Variants in NGEF observed in about 807,000 individuals in gnomAD.
The protein encoded by NGEF is neuronal guanine nucleotide exchange factor, also known as ephexin-1.
NGEF carries 31 observed loss-of-function variants against 80.9 expected under a neutral mutation model. The ratio of observed to expected loss-of-function variants is 0.38; its 90% CI spans 0.29 to 0.52. The LOEUF (loss-of-function observed/expected upper bound fraction) is 0.52. Ranked by LOEUF, NGEF falls within the 20% of genes least tolerant of loss-of-function variation. The pLI, the probability that NGEF is intolerant of heterozygous loss-of-function variation, is 0.84. For synonymous variants in NGEF, 371 were observed against 370.2 expected (o/e 1.00, Z -0.03); for missense variants, 709 against 926.2 (o/e 0.77, Z 3.04).
In NGEF at chr2:232,894,803, C is replaced by G. The variant is rs150452305; in HGVS notation, c.942G>C (p.Ala314=). 17 of 1,610,698 alleles carry G rather than the reference C, an allele frequency of 1.1e-5. No individual in the cohort carries two copies. Among genetic ancestry groups the G allele is most frequent in the South Asian group, 7.7e-5 (7 of 90,940 alleles). The change falls in exon 6 of 15, where the codon GCG becomes GCC. Residue 314 remains alanine (A), a synonymous_variant. Transcript: ENST00000264051. ...RIRKILHPSE[A]HILFSNVLDV... ...CCAGGACGTTGGAGAAGAGGATGTG[C>G]GCCTCGGACGGGTGCAGGATCTTCC... is the stretch of plus-strand genomic sequence containing the variant.
chr2:232,996,029 GA>G, intron 1 of NGEF, among the ~76,000 whole-genome samples: 1 of 152,036 alleles, frequency 6.6e-6, no homozygotes, highest in African/African-American at 2.4e-5. Flanking sequence ...CTCTAGTGTG[GA>G]TGGGCTCAAA....
At chr2:232,882,138 G>A in intron 13 of NGEF, 48 bp downstream of exon 13, 1 of 1,560,690 alleles carries the variant, frequency 6.4e-7, no homozygotes, top group South Asian at 1.1e-5. Flanking sequence ...GCATCCGGCA[G>A]GGCCAGCCCA....
At chr2:232,895,734 T>C (rs1025620960) in intron 5 of NGEF, among the ~76,000 whole-genome samples, 18 of 152,154 alleles carry the variant, frequency 1.2e-4, no homozygotes, top group Non-Finnish European at 2.1e-4. Context: ...TGTTTACCTT[T>C]TTACCTTTTG....
intron 1 of NGEF, among the ~76,000 whole-genome samples, chr2:232,975,953 C>T (rs994661307): frequency 1.3e-5 from 2 of 152,182 alleles, no homozygotes; most frequent in Non-Finnish European, 2.9e-5. Context: ...ATAATCCTAG[C>T]ACTTTGGGAG....
At chr2:233,007,298 A>C (rs969109831) in intron 1 of NGEF, among the ~76,000 whole-genome samples, 26 of 152,184 alleles carry the variant, frequency 1.7e-4, no homozygotes, top group African/African-American at 6.0e-4. Context: ...AGCGTTTCTC[A>C]AGAAAACAGC....
At chr2:233,009,650 A>AAG (rs397709189) in intron 1 of NGEF, among the ~76,000 whole-genome samples, 1 of 151,612 alleles carries the variant, frequency 6.6e-6, no homozygotes, top group African/African-American at 2.4e-5. Flanking sequence ...AAAAAAAAAA[A>AAG]GTAAAACTCC....
At chr2:232,896,206 T>G (rs1206269583) in intron 5 of NGEF, among the ~76,000 whole-genome samples, 1 of 152,054 alleles carries the variant, frequency 6.6e-6, no homozygotes, top group South Asian at 2.1e-4. Flanking sequence ...CATAATTGAG[T>G]CAAGGAGCTC....
At position 232,882,273 on chromosome 2, in the gene NGEF, A is replaced by G. The variant is rs753142894; in HGVS notation, c.1758-8T>C. On this transcript the variant is annotated splice_polypyrimidine_tract_variant and splice_region_variant and intron_variant, in intron 12 of 14. Coordinates refer to ENST00000264051, the MANE Select transcript of NGEF (RefSeq NM_019850.3). ...CAACGCTTCATCTCACTCCTGGCAC[A>G]GGGAAGAGGACAGTGCCCCAACTGC... The G allele has an allele frequency of 2.5e-6, 4 of 1,612,302 alleles. No homozygotes were observed. The highest frequency in any genetic ancestry group is 1.3e-5 in the African/African-American group (1 of 74,920).
intron 1 of NGEF, among the ~76,000 whole-genome samples, chr2:232,976,334 G>T (rs1222508185): frequency 6.6e-6 from 1 of 152,098 alleles, no homozygotes; most frequent in African/African-American, 2.4e-5. Context: ...CTGGGTTTCA[G>T]ATGCCTCCTT....
At chr2:232,965,338 G>T (rs1215566776) in intron 3 of NGEF, among the ~76,000 whole-genome samples, 1 of 152,182 alleles carries the variant, frequency 6.6e-6, no homozygotes, top group African/African-American at 2.4e-5. Flanking sequence ...AATGGATAAA[G>T]AAATTGGGAA....
intron 5 of NGEF, among the ~76,000 whole-genome samples, chr2:232,901,811 C>G (rs1692364535): frequency 6.6e-6 from 1 of 152,218 alleles, no homozygotes; most frequent in Non-Finnish European, 1.5e-5. Flanking sequence ...TGCCAAGGGT[C>G]TAAGGCGTCC....
Position 232,906,288 on chromosome 2 carries a change from C to T in NGEF, c.829-11372G>A, listed in dbSNP as rs563488921. Among the ~76,000 whole-genome samples, 160 of 135,240 alleles carry T rather than the reference C, an allele frequency of 1.2e-3. 3 individuals carry two copies. Among genetic ancestry groups the T allele is most frequent in the Non-Finnish European group, 2.2e-3 (134 of 62,040 alleles). The allele number at this position is 135,240 out of a possible 152,430, so 88.7% of individuals were successfully genotyped here. A position where few individuals can be genotyped will look rare whatever the true frequency, so the allele number is the denominator to read the frequency against. ...TGAGGGGCGCCTCTGCCCGGCAGCC[C>T]CTACTGGGAAGTGAGGAGCCCCTCT... On this transcript the variant is annotated intron_variant, in intron 5 of 14. Transcript: ENST00000264051.
intron 1 of NGEF, among the ~76,000 whole-genome samples, chr2:233,006,554 C>T (rs1334027881): frequency 6.6e-6 from 1 of 152,172 alleles, no homozygotes; most frequent in African/African-American, 2.4e-5. Context: ...TGTACACATT[C>T]CTGTTTAGTG....
intron 3 of NGEF, among the ~76,000 whole-genome samples, chr2:232,967,846 GA>G (rs2106318819): frequency 6.6e-6 from 1 of 152,180 alleles, no homozygotes; most frequent in South Asian, 2.1e-4. Context: ...AGATACAGGG[GA>G]TACAGTTTCC....
rs7576355 is a variant in NGEF at position 232,991,867 on chromosome 2, G to A, written c.-74-16903C>T. On this transcript the variant is annotated intron_variant, in intron 1 of 14. Transcript: ENST00000264051. ...CAGTAATCAAGACAGTGTGGTACTGGCACAGGATAGGCATTTAGGTCAAGA... is the reference window on the plus strand; with the variant it reads ...CAGTAATCAAGACAGTGTGGTACTGACACAGGATAGGCATTTAGGTCAAGA... Among the ~76,000 whole-genome samples the A allele has an allele frequency of 8.5e-3, 1,292 of 152,266 alleles. 21 individuals carry two copies. Among genetic ancestry groups the A allele is most frequent in the African/African-American group, 0.03 (1,230 of 41,548 alleles).
chr2:232,879,612 C>T lies in NGEF; in HGVS notation c.2010G>A (p.Glu670=). ...GGGACCGGATCTTGGGATTCAAGAT[C>T]TCCTCAGTCATGGAGCTGGGGAACC... is the stretch of plus-strand genomic sequence containing the variant. ...RGWFPSSMTE[E]ILNPKIRSQN... is the part of the protein sequence containing the mutation. Residue 670 remains glutamate (E), a synonymous_variant, in exon 15 of 15, where the codon GAG becomes GAA. Coordinates refer to ENST00000264051, the MANE Select transcript of NGEF (RefSeq NM_019850.3). 1 of 1,613,734 alleles carries T rather than the reference C, an allele frequency of 6.2e-7. No homozygotes were observed. The highest frequency in any genetic ancestry group is 8.5e-7 in the Non-Finnish European group (1 of 1,180,010).
chr2:232,918,076 C>A (rs1415822847), intron 5 of NGEF, among the ~76,000 whole-genome samples: 1 of 152,178 alleles, frequency 6.6e-6, no homozygotes, highest in Non-Finnish European at 1.5e-5. Context: ...GCCTCAGCCT[C>A]CTGAGTAGAG....
chr2:233,004,661 G>A (rs1231179352), intron 1 of NGEF, among the ~76,000 whole-genome samples: 1 of 151,936 alleles, frequency 6.6e-6, no homozygotes, highest in Admixed American at 6.6e-5. Context: ...ACTCCTGAAG[G>A]CGTTTAGGAA....
intron 2 of NGEF, among the ~76,000 whole-genome samples, chr2:232,972,092 A>G (rs1476305338): frequency 1.3e-5 from 2 of 152,186 alleles, no homozygotes; most frequent in Non-Finnish European, 2.9e-5. Context: ...ACAAACTCAT[A>G]TTGATTCAGT....
Sources: gnomAD v4.1 joint callset for allele counts (sites outside exome capture counted in the v4.1 genomes callset) on GRCh38, gnomAD v4.1.1 for gene constraint, MANE v1.5 for transcripts, NCBI Gene and HGNC (gene_info 2026-07-23, HGNC 2026-07-21) for gene names.